WRN: variants seen among roughly 807,000 people sequenced by gnomAD.
WRN encodes the protein bifunctional 3'-5' exonuclease/ATP-dependent helicase WRN.
Under a neutral mutation model 180.7 loss-of-function variants are expected in WRN, and 149 were observed. The ratio of observed to expected loss-of-function variants is 0.82; its 90% CI spans 0.72 to 0.94. The LOEUF (loss-of-function observed/expected upper bound fraction) is 0.94, where lower values mean the gene tolerates loss of function less well. WRN is among the 40% of genes least tolerant of loss of function. The pLI is 0.00. For missense variants in WRN, 1,661 were observed against 1,700.1 expected (o/e 0.98, Z 0.40); for synonymous variants, 548 against 568.9 (o/e 0.96, Z 0.52).
intron 19 of WRN, among the ~76,000 whole-genome samples, chr8:31,113,829 C>T (rs2553273): frequency 0.82 from 120,149 of 146,182 alleles, 47,664 homozygotes; most frequent in East Asian, 0.9. Flanking sequence ...CCAACAGATA[C>T]CCCTCTCCCC....
chr8:31,156,818 C>T (rs1285696839), intron 32 of WRN, among the ~76,000 whole-genome samples: 1 of 152,086 alleles, frequency 6.6e-6, no homozygotes, highest in Non-Finnish European at 1.5e-5. Context: ...TGCTGACAGC[C>T]CTTGTGGAAC....
At chr8:31,065,486 A>G (rs1812661904) in intron 5 of WRN, among the ~76,000 whole-genome samples, 1 of 151,974 alleles carries the variant, frequency 6.6e-6, no homozygotes, top group African/African-American at 2.4e-5. Flanking sequence ...AACATATGGT[A>G]TTTGGTTTTC....
At chr8:31,158,631 C>T (rs1803484189) in intron 33 of WRN, among the ~76,000 whole-genome samples, 1 of 152,142 alleles carries the variant, frequency 6.6e-6, no homozygotes, top group African/African-American at 2.4e-5. Flanking sequence ...GAACAATTCC[C>T]CCCAAGAATT....
At chr8:31,149,635 C>T (rs909888498) in intron 30 of WRN, among the ~76,000 whole-genome samples, 2 of 151,316 alleles carry the variant, frequency 1.3e-5, no homozygotes, top group Non-Finnish European at 2.9e-5. Context: ...CTGCCACCCC[C>T]GGCTAATTTT....
intron 22 of WRN, 110 bp from the exon 23 acceptor site, chr8:31,124,794 TAATG>T: frequency 8.0e-7 from 1 of 1,243,584 alleles, no homozygotes; most frequent in East Asian, 2.5e-5. Context: ...TGAAGTCAAA[TAATG>T]AAGTCCCAAG....
intron 28 of WRN, among the ~76,000 whole-genome samples, chr8:31,146,536 T>C (rs906200339): frequency 4.6e-5 from 7 of 152,118 alleles, no homozygotes; most frequent in African/African-American, 1.7e-4. Context: ...TTATCCCCTC[T>C]TACCTAGTGA....
chr8:31,136,528 A>G (rs1477909967), intron 24 of WRN, among the ~76,000 whole-genome samples: 2 of 152,148 alleles, frequency 1.3e-5, no homozygotes, highest in Non-Finnish European at 2.9e-5. Flanking sequence ...TGTAACATAC[A>G]GTTTTAAATT....
At chr8:31,142,542 C>G in intron 26 of WRN, 84 bp from the exon 27 acceptor site, 1 of 1,087,496 alleles carries the variant, frequency 9.2e-7, no homozygotes, top group Admixed American at 2.4e-5. Flanking sequence ...TCTTATTCAT[C>G]TTTCTGAGAA....
Position 31,107,538 on chromosome 8 carries a change from C to A in WRN, c.2089-4077C>A, listed in dbSNP as rs1053490124. On this transcript the variant is annotated intron_variant, in intron 18 of 34. Transcript: ENST00000298139. ...AGCAGTGGCTGAGAAAACGTTTTTC[C>A]CCTGGTGTTTTCAAGAACCCTCTTT... Among the ~76,000 whole-genome samples the A allele has an allele frequency of 3.9e-5, 6 of 152,192 alleles. No homozygotes were observed. In the East Asian group the frequency reaches 1.2e-3, roughly 29 times the overall value.
chr8:31,126,799 A>G (rs1473501574), intron 23 of WRN, among the ~76,000 whole-genome samples: 1 of 152,164 alleles, frequency 6.6e-6, no homozygotes, highest in African/African-American at 2.4e-5. Flanking sequence ...TCAAAAGCTC[A>G]TTCTGTATAA....
chr8:31,122,007 T>C (rs1801742301), intron 21 of WRN, among the ~76,000 whole-genome samples: 1 of 152,008 alleles, frequency 6.6e-6, no homozygotes, highest in Non-Finnish European at 1.5e-5. Flanking sequence ...TTAAAGGTAC[T>C]GAGGACATTA....
chr8:31,154,920 G>A (rs532325877), intron 32 of WRN, among the ~76,000 whole-genome samples, 165 bp downstream of exon 32: 22 of 152,130 alleles, frequency 1.4e-4, no homozygotes, highest in African/African-American at 4.6e-4. Flanking sequence ...TTCTTTTTCT[G>A]TTAAGCCTCC....
intron 1 of WRN, among the ~76,000 whole-genome samples, chr8:31,041,862 A>G (rs759863452): frequency 2.0e-5 from 3 of 152,228 alleles, no homozygotes; most frequent in African/African-American, 7.2e-5. Flanking sequence ...TCAGCTGCAT[A>G]GGTACAGGCA....
At chr8:31,101,616 G>A (rs1585456774) in intron 18 of WRN, among the ~76,000 whole-genome samples, 2 of 151,818 alleles carry the variant, frequency 1.3e-5, no homozygotes, top group African/African-American at 4.8e-5. Context: ...GTGAAACCCT[G>A]TCTCTACTAA....
intron 11 of WRN, among the ~76,000 whole-genome samples, chr8:31,086,935 C>T (rs959827723): frequency 3.3e-5 from 5 of 152,074 alleles, no homozygotes; most frequent in Non-Finnish European, 7.4e-5. Flanking sequence ...AACCTGGATG[C>T]CCATATTAGA....
intron 11 of WRN, among the ~76,000 whole-genome samples, chr8:31,086,295 A>G (rs186434041): frequency 4.6e-4 from 70 of 152,204 alleles, no homozygotes; most frequent in African/African-American, 1.7e-3. Flanking sequence ...TTCTAGGGCC[A>G]GGCATGGTGG....
intron 4 of WRN, 37 bp from the exon 5 acceptor site, chr8:31,064,878 T>G (rs1319904906): frequency 6.2e-7 from 1 of 1,610,750 alleles, no homozygotes. Context: ...CCATCATACT[T>G]GACAGAACTT....
intron 5 of WRN, among the ~76,000 whole-genome samples, chr8:31,065,417 T>TG (rs1812659252): frequency 6.6e-6 from 1 of 152,110 alleles, no homozygotes; most frequent in Non-Finnish European, 1.5e-5. Flanking sequence ...CCACAGTGTG[T>TG]GTTGTTCCCC....
intron 3 of WRN, among the ~76,000 whole-genome samples, chr8:31,059,671 T>C (rs1812411969): frequency 6.6e-6 from 1 of 152,190 alleles, no homozygotes; most frequent in East Asian, 1.9e-4. Context: ...ATTAAAAATA[T>C]CAACATAGTA....
Sources: gnomAD v4.1 joint callset for allele counts (sites outside exome capture counted in the v4.1 genomes callset) on GRCh38, gnomAD v4.1.1 for gene constraint, MANE v1.5 for transcripts, NCBI Gene and HGNC (gene_info 2026-07-23, HGNC 2026-07-21) for gene names.